The following FMN1 variants were observed in gnomAD, a reference collection of about 807,000 sequenced individuals.
FMN1 encodes the protein formin 1, also known as formin-1.
A neutral mutation model predicts 132.4 loss-of-function variants in FMN1; 110 were observed. The observed-to-expected ratio is 0.83, with a 90% CI of 0.71 to 0.97. The LOEUF is 0.97. FMN1 is among the 50% of genes least tolerant of loss of function. The pLI, the probability that FMN1 is intolerant of heterozygous loss-of-function variation, is 0.00. For synonymous variants in FMN1, 722 were observed against 651.7 expected, an observed-to-expected ratio of 1.11 and a Z score of -1.64; for missense variants, 1,792 against 1,705.3, an observed-to-expected ratio of 1.05 and a Z score of -0.90.
intron 7 of FMN1, among the ~76,000 whole-genome samples, chr15:32,970,305 G>A (rs2031671242): frequency 6.6e-6 from 1 of 152,158 alleles, no homozygotes; most frequent in African/African-American, 2.4e-5. Flanking sequence ...CAGTTAATTG[G>A]AAAGCAAATT....
intron 7 of FMN1, among the ~76,000 whole-genome samples, chr15:32,971,218 G>A (rs1476776710): frequency 5.3e-5 from 8 of 152,200 alleles, no homozygotes; most frequent in Non-Finnish European, 1.0e-4. Flanking sequence ...ACACAGAAAC[G>A]TTTGGATAAA....
intron 7 of FMN1, among the ~76,000 whole-genome samples, chr15:32,995,040 G>A (rs1266720424): frequency 6.6e-6 from 1 of 152,086 alleles, no homozygotes; most frequent in Non-Finnish European, 1.5e-5. Flanking sequence ...ACCTCCAGTG[G>A]TGAGATTGTG....
At chr15:32,811,419 G>T (rs1250290535) in intron 17 of FMN1, among the ~76,000 whole-genome samples, 1 of 152,104 alleles carries the variant, frequency 6.6e-6, no homozygotes, top group East Asian at 1.9e-4. Context: ...TAGGGTGTAG[G>T]ATTTCCAGGT....
intron 6 of FMN1, among the ~76,000 whole-genome samples, chr15:33,027,959 G>C (rs2035759063): frequency 6.6e-6 from 1 of 152,194 alleles, no homozygotes; most frequent in Non-Finnish European, 1.5e-5. Context: ...AGTGTTACTA[G>C]CATCAAAATG....
chr15:32,866,670 T>C (rs1472430088), intron 16 of FMN1, among the ~76,000 whole-genome samples: 4 of 152,256 alleles, frequency 2.6e-5, no homozygotes, highest in Non-Finnish European at 5.9e-5. Flanking sequence ...CACTTTTTCC[T>C]ATTTCTTGTT....
chr15:32,980,669 A>C (rs918609170), intron 7 of FMN1, among the ~76,000 whole-genome samples: 1 of 152,144 alleles, frequency 6.6e-6, no homozygotes, highest in African/African-American at 2.4e-5. Context: ...TCCTGAATCT[A>C]TGTCTCTAAA....
At chr15:32,807,056 A>G (rs567463434) in intron 17 of FMN1, among the ~76,000 whole-genome samples, 1 of 152,210 alleles carries the variant, frequency 6.6e-6, no homozygotes, top group Non-Finnish European at 1.5e-5. Context: ...AAAACTGGCT[A>G]TATGTTAAAG....
At chr15:32,937,555 A>C (rs1247999384) in intron 9 of FMN1, among the ~76,000 whole-genome samples, 1 of 152,134 alleles carries the variant, frequency 6.6e-6, no homozygotes, top group Admixed American at 6.5e-5. Context: ...TGATGACATT[A>C]CCTCCCCCTT....
chr15:32,822,643 A>T (rs2058249236), intron 17 of FMN1, among the ~76,000 whole-genome samples: 1 of 152,084 alleles, frequency 6.6e-6, no homozygotes, highest in African/African-American at 2.4e-5. Flanking sequence ...TTTATTTTTC[A>T]TTGCCTCTGT....
chr15:33,150,137 A>G, intron 4 of FMN1: 5 of 985,480 alleles, frequency 5.1e-6, no homozygotes, highest in Non-Finnish European at 6.0e-6. Context: ...TTTCCCAAGT[A>G]TGGTGAGCCA....
chr15:32,931,796 GT>G (rs1200696783), intron 9 of FMN1, among the ~76,000 whole-genome samples: 1 of 152,062 alleles, frequency 6.6e-6, no homozygotes, highest in Non-Finnish European at 1.5e-5. Context: ...AATGCTTTTG[GT>G]TTTTCAACCT....
intron 19 of FMN1, among the ~76,000 whole-genome samples, chr15:32,797,983 A>C (rs1406155182): frequency 6.6e-6 from 1 of 152,094 alleles, no homozygotes; most frequent in African/African-American, 2.4e-5. Flanking sequence ...TACGCTGAGG[A>C]ATTTTTTGTC....
intron 17 of FMN1, among the ~76,000 whole-genome samples, chr15:32,850,070 C>T (rs1481160271): frequency 2.0e-5 from 3 of 152,148 alleles, no homozygotes; most frequent in Non-Finnish European, 2.9e-5. Flanking sequence ...CCACGCCTGT[C>T]GGTATTTTCT....
At chr15:32,865,848 A>AT (rs2059379310) in intron 16 of FMN1, among the ~76,000 whole-genome samples, 1 of 129,248 alleles carries the variant, frequency 7.7e-6, no homozygotes, top group Non-Finnish European at 1.7e-5. Flanking sequence ...AAAAAAAAAA[A>AT]AAAAATAAAA....
intron 6 of FMN1, among the ~76,000 whole-genome samples, chr15:33,027,844 A>C (rs532774150): frequency 1.2e-4 from 19 of 152,342 alleles, no homozygotes; most frequent in African/African-American, 4.6e-4. Context: ...ATATGAAGAA[A>C]AGCACACACT....
At chr15:32,970,912 G>T (rs1596371029) in intron 7 of FMN1, 1 of 152,148 alleles carries the variant, frequency 6.6e-6, no homozygotes, top group Non-Finnish European at 1.5e-5. Flanking sequence ...GAAGTTTTTC[G>T]AAGGCTCATC....
chr15:32,914,824 A>G (rs1455591990), intron 10 of FMN1, among the ~76,000 whole-genome samples: 1 of 152,226 alleles, frequency 6.6e-6, no homozygotes, highest in African/African-American at 2.4e-5. Context: ...GCTTTGTACC[A>G]TCCCCCCAGA....
At chr15:32,935,580 T>A (rs943802718) in intron 9 of FMN1, among the ~76,000 whole-genome samples, 7 of 152,276 alleles carry the variant, frequency 4.6e-5, no homozygotes, top group African/African-American at 1.7e-4. Context: ...TGTCACAATG[T>A]GTCTATTGAT....
At chr15:32,946,329 GAGCGTCTACACCCATCTTGACTGGA>G (rs2061510794) in intron 9 of FMN1, among the ~76,000 whole-genome samples, 1 of 152,176 alleles carries the variant, frequency 6.6e-6, no homozygotes, top group Admixed American at 6.5e-5. Context: ...CATGAAGAGT[GAGCGTCTACACCCATCTTGACTGGA>G]ACCATGAGCA....
Sources: allele counts gnomAD v4.1 joint callset (sites outside exome capture counted in the v4.1 genomes callset), GRCh38; gene constraint gnomAD v4.1.1; transcripts MANE v1.5; gene names NCBI Gene and HGNC (gene_info 2026-07-23, HGNC 2026-07-21).